Variants in PACRG observed in about 807,000 individuals in gnomAD.
The protein encoded by PACRG is parkin coregulated gene protein.
Under a neutral mutation model 29.7 loss-of-function variants are expected in PACRG, and 29 were observed. The ratio of observed to expected loss-of-function variants is 0.98; its 90% CI spans 0.73 to 1.33. The LOEUF (loss-of-function observed/expected upper bound fraction) is 1.33, where lower values mean the gene tolerates loss of function less well. Among genes scored for constraint, PACRG ranks in the 40% most tolerant of loss-of-function variants. The pLI, the probability that PACRG is intolerant of heterozygous loss-of-function variation, is 0.00. For missense variants in PACRG, 279 were observed against 316.2 expected (o/e 0.88, Z 0.89); for synonymous variants, 116 against 118.7 (o/e 0.98, Z 0.15).
At chr6:163,278,887 TG>T (rs1373977345) in intron 4 of PACRG, among the ~76,000 whole-genome samples, 1 of 152,210 alleles carries the variant, frequency 6.6e-6, no homozygotes, top group Non-Finnish European at 1.5e-5. Context: ...GGTGGTATTT[TG>T]ATTGGAATTT....
intron 4 of PACRG, among the ~76,000 whole-genome samples, chr6:163,236,579 C>T (rs1364561562): frequency 2.0e-5 from 3 of 152,112 alleles, no homozygotes; most frequent in Non-Finnish European, 4.4e-5. Flanking sequence ...GATTCCGGGT[C>T]TTTTCCTACC....
At chr6:163,025,329 C>T (rs1807023505) in intron 2 of PACRG, among the ~76,000 whole-genome samples, 1 of 152,152 alleles carries the variant, frequency 6.6e-6, no homozygotes, top group Admixed American at 6.5e-5. Context: ...TCTATACCTA[C>T]AAAAATCATA....
chr6:162,764,669 T>A (rs1782640901), intron 1 of PACRG, among the ~76,000 whole-genome samples: 1 of 152,154 alleles, frequency 6.6e-6, no homozygotes, highest in Non-Finnish European at 1.5e-5. Context: ...GTCTTCTTCA[T>A]GTCTGAGAAT....
intron 2 of PACRG, among the ~76,000 whole-genome samples, chr6:162,908,582 G>C (rs1049745597): frequency 6.6e-6 from 1 of 152,180 alleles, no homozygotes; most frequent in Non-Finnish European, 1.5e-5. Context: ...AGGCCATTCC[G>C]AGACATTCCA....
At chr6:162,785,168 CAGAGAG>C (rs71008111) in intron 1 of PACRG, among the ~76,000 whole-genome samples, 2,766 of 138,018 alleles carry the variant, frequency 0.02, 50 homozygotes, top group African/African-American at 0.046. Context: ...ATGAGGGAGG[CAGAGAG>C]AGAGAGAGAG....
At chr6:162,944,826 TAA>T (rs1423216835) in intron 2 of PACRG, among the ~76,000 whole-genome samples, 1 of 151,898 alleles carries the variant, frequency 6.6e-6, no homozygotes, top group Non-Finnish European at 1.5e-5. Context: ...TTCTGACATA[TAA>T]GACACCATAA....
intron 2 of PACRG, among the ~76,000 whole-genome samples, chr6:162,932,687 T>G (rs1207271138): frequency 6.6e-6 from 1 of 151,920 alleles, no homozygotes; most frequent in Non-Finnish European, 1.5e-5. Context: ...TTTATAATAA[T>G]CTCTAATTAT....
intron 1 of PACRG, among the ~76,000 whole-genome samples, chr6:162,752,945 T>C (rs2128281500): frequency 6.6e-6 from 1 of 152,308 alleles, no homozygotes; most frequent in South Asian, 2.1e-4. Flanking sequence ...TATGTATTTA[T>C]TTATTTTTAT....
intron 4 of PACRG, among the ~76,000 whole-genome samples, chr6:163,159,104 A>G (rs938908055): frequency 6.6e-6 from 1 of 152,138 alleles, no homozygotes; most frequent in Non-Finnish European, 1.5e-5. Context: ...ACCTCAGGCA[A>G]CTTAGAGAAC....
intron 4 of PACRG, among the ~76,000 whole-genome samples, chr6:163,137,222 A>G (rs549729634): frequency 2.0e-5 from 3 of 152,158 alleles, no homozygotes; most frequent in African/African-American, 7.2e-5. Flanking sequence ...CTCATTCGTA[A>G]GTCTCCCCAT....
intron 4 of PACRG, among the ~76,000 whole-genome samples, chr6:163,299,450 T>G (rs1784904832): frequency 6.6e-6 from 1 of 152,300 alleles, no homozygotes; most frequent in African/African-American, 2.4e-5. Context: ...CTACCTGTGA[T>G]GAGGAGAGTG....
At chr6:162,935,607 C>T (rs1798179492) in intron 2 of PACRG, among the ~76,000 whole-genome samples, 1 of 150,868 alleles carries the variant, frequency 6.6e-6, no homozygotes, top group South Asian at 2.1e-4. Context: ...AATTATTTTC[C>T]TGATTTATTT....
intron 2 of PACRG, among the ~76,000 whole-genome samples, chr6:162,882,220 G>C (rs956181987): frequency 1.3e-5 from 2 of 149,132 alleles, no homozygotes; most frequent in African/African-American, 2.5e-5. Flanking sequence ...CAAGACCAGA[G>C]ACAGTGGGGT....
In PACRG at chr6:163,201,422, G is replaced by T. The variant is rs1444908301; in HGVS notation, c.613+112014G>T. Among the ~76,000 whole-genome samples, 4 of 152,170 alleles carry T rather than the reference G, an allele frequency of 2.6e-5. No individual in the cohort carries two copies. The South Asian group carries it at 6.2e-4, about 24-fold the overall frequency. On this transcript the variant is annotated intron_variant, in intron 4 of 4. Coordinates refer to ENST00000366888, the MANE Select transcript of PACRG (RefSeq NM_001080379.2). ...GACACAGAGTCATAAAGAGATTCGGGTGTTCCCTGAGCTACAAAGCAGAAG... is the reference window on the plus strand; with the variant it reads ...GACACAGAGTCATAAAGAGATTCGGTTGTTCCCTGAGCTACAAAGCAGAAG...
chr6:163,249,198 C>T (rs957850943), intron 4 of PACRG, among the ~76,000 whole-genome samples: 1 of 152,184 alleles, frequency 6.6e-6, no homozygotes, highest in African/African-American at 2.4e-5. Context: ...CGCAAAGTCT[C>T]TGGGTCAATA....
At chr6:163,226,172 G>A (rs1781787390) in intron 4 of PACRG, among the ~76,000 whole-genome samples, 1 of 152,246 alleles carries the variant, frequency 6.6e-6, no homozygotes, top group African/African-American at 2.4e-5. Context: ...CATAGAAGCA[G>A]AGAGTAGAAC....
At chr6:163,280,917 T>A (rs1784205105) in intron 4 of PACRG, among the ~76,000 whole-genome samples, 2 of 152,104 alleles carry the variant, frequency 1.3e-5, no homozygotes, top group South Asian at 4.1e-4. Context: ...TTATAACACA[T>A]GTAAACCACA....
chr6:162,842,549 C>G (rs1789892121), intron 2 of PACRG, among the ~76,000 whole-genome samples: 1 of 150,422 alleles, frequency 6.6e-6, no homozygotes, highest in African/African-American at 2.4e-5. Context: ...ACTCTTTATC[C>G]AATTTGCCAG....
At chr6:163,310,094 T>A (rs1203685680) in intron 4 of PACRG, 1 of 152,218 alleles carries the variant, frequency 6.6e-6, no homozygotes, top group Non-Finnish European at 1.5e-5. Context: ...ACAATGGCTA[T>A]ATATTTACCA....
Sources: allele counts gnomAD v4.1 joint callset (sites outside exome capture counted in the v4.1 genomes callset), GRCh38; gene constraint gnomAD v4.1.1; transcripts MANE v1.5; gene names NCBI Gene and HGNC (gene_info 2026-07-23, HGNC 2026-07-21).